The following GABARAPL2 variants were observed in gnomAD, a reference collection of about 807,000 sequenced individuals.
GABARAPL2 encodes GABA type A receptor associated protein like 2.
Under a neutral mutation model 16.9 loss-of-function variants are expected in GABARAPL2, and 11 were observed. The observed-to-expected ratio is 0.65, with a 90% CI of 0.41 to 1.08. GABARAPL2 has a LOEUF of 1.08. Among genes scored for constraint, GABARAPL2 ranks in the 50% least tolerant of loss-of-function variants. The probability of loss-of-function intolerance (pLI) is 0.00; values close to 1 mark genes in which losing one functional copy is unlikely to be tolerated. For synonymous variants in GABARAPL2, 57 were observed against 50.7 expected, an observed-to-expected ratio of 1.12 and a Z score of -0.53; for missense variants, 134 against 142.5, an observed-to-expected ratio of 0.94 and a Z score of 0.30.
chr16:75,568,464 T>C, intron 3 of GABARAPL2: 1 of 334,170 alleles, frequency 3.0e-6, no homozygotes, highest in East Asian at 4.5e-5. Flanking sequence ...CAAGAATCTT[T>C]TAAAACGGTT....
intron 3 of GABARAPL2, among the ~76,000 whole-genome samples, chr16:75,574,688 A>G (rs12598094): frequency 0.12 from 18,282 of 151,952 alleles, 2,708 homozygotes; most frequent in East Asian, 0.73. Context: ...GCTTTTAAAG[A>G]TGACCCTCCC....
Position 75,577,388 on chromosome 16 carries a change from GT to G in GABARAPL2, c.*20del, listed in dbSNP as rs774327882. On this transcript the variant is annotated 3_prime_UTR_variant, in exon 4 of 4. Coordinates refer to ENST00000037243, the MANE Select transcript of GABARAPL2 (RefSeq NM_007285.7). ...CTTCTGAGGGCCATTGCTGGGCTAG[GT>G]GCACCGTAACTGCTTGTGTATCTTG... 1.4e-6 allele frequency: 2 copies of G among 1,452,950 alleles called. No homozygotes were observed. The highest frequency in any genetic ancestry group is 1.7e-5 in the Admixed American group (1 of 59,784). The allele number at this position is 1,452,950 out of a possible 1,614,324, so 90.0% of individuals were successfully genotyped here.
intron 3 of GABARAPL2, among the ~76,000 whole-genome samples, chr16:75,570,161 T>C (rs925371773): frequency 6.6e-6 from 1 of 152,060 alleles, no homozygotes; most frequent in African/African-American, 2.4e-5. Context: ...AGTGGTGCAA[T>C]CTGAGCTCAC....
chr16:75,568,905 C>T (rs932934325), intron 3 of GABARAPL2, among the ~76,000 whole-genome samples: 16 of 152,164 alleles, frequency 1.1e-4, no homozygotes, highest in Non-Finnish European at 1.5e-4. Flanking sequence ...GGATGGGCTC[C>T]GTCTAACCTC....
chr16:75,568,912 C>T lies in GABARAPL2; in HGVS notation c.263+703C>T, dbSNP rs1445811554. Among the ~76,000 whole-genome samples, 3 of 152,182 alleles carry T rather than the reference C, an allele frequency of 2.0e-5. No individual in the cohort carries two copies. The East Asian group carries it at 5.8e-4, about 29-fold the overall frequency. ...AGGAAAGTGGATGGGCTCCGTCTAA[C>T]CTCCTGGTCAGTCCTTTCCCGTTAC... On this transcript the variant is annotated intron_variant, in intron 3 of 3. Coordinates refer to ENST00000037243, the MANE Select transcript of GABARAPL2 (RefSeq NM_007285.7).
In GABARAPL2 at chr16:75,566,406, T is replaced by C. The variant is rs1394294902; in HGVS notation, c.-81T>C. ...TCGCCGCCGTCGCTGCCGCTGCCGCTGCCGCCGTCGTTGTTGTTGTGCTCG... is the reference window on the plus strand; with the variant it reads ...TCGCCGCCGTCGCTGCCGCTGCCGCCGCCGCCGTCGTTGTTGTTGTGCTCG... On this transcript the variant is annotated 5_prime_UTR_variant, in exon 1 of 4. Coordinates refer to ENST00000037243, the MANE Select transcript of GABARAPL2 (RefSeq NM_007285.7). 8 of 1,086,628 alleles carry C rather than the reference T, an allele frequency of 7.4e-6. No individual in the cohort carries two copies. The South Asian group carries it at 9.3e-5, about 13-fold the overall frequency. 67.3% of individuals were successfully genotyped at this position (1,086,628 alleles called of 1,614,324 possible).
At position 75,567,017 on chromosome 16, in the gene GABARAPL2, C is replaced by T. The variant is rs1026014465; in HGVS notation, c.90+110C>T. ...CAAGTTGAGGTTCCAGTCCCAGTTA[C>T]AGTAGCTGACGGGCCAGACCGGGAT... On this transcript the variant is annotated intron_variant, in intron 2 of 3. Transcript: ENST00000037243. 5.3e-6 allele frequency: 5 copies of T among 946,696 alleles called. No individual in the cohort carries two copies. In the African/African-American group the frequency reaches 6.5e-5, roughly 12 times the overall value. 58.6% of individuals were successfully genotyped at this position (946,696 alleles called of 1,614,324 possible).
intron 3 of GABARAPL2, among the ~76,000 whole-genome samples, chr16:75,569,845 C>G (rs1390821798): frequency 6.6e-6 from 1 of 152,174 alleles, no homozygotes; most frequent in Non-Finnish European, 1.5e-5. Flanking sequence ...GCAGCAGAGA[C>G]TGTTTCAAGC....
chr16:75,576,846 A>T (rs1190040821), intron 3 of GABARAPL2: 1 of 157,196 alleles, frequency 6.4e-6, no homozygotes, highest in Non-Finnish European at 1.4e-5. Flanking sequence ...GATGATGTTG[A>T]TACACCATGT....
intron 3 of GABARAPL2, among the ~76,000 whole-genome samples, chr16:75,575,409 C>G (rs2080942684): frequency 6.6e-6 from 1 of 152,080 alleles, no homozygotes; most frequent in Non-Finnish European, 1.5e-5. Flanking sequence ...GATTCTCCGG[C>G]CTCAGCTTCC....
intron 3 of GABARAPL2, among the ~76,000 whole-genome samples, chr16:75,573,606 G>A (rs1214232401): frequency 6.6e-6 from 1 of 152,252 alleles, no homozygotes; most frequent in Non-Finnish European, 1.5e-5. Flanking sequence ...GGGAAGGAGA[G>A]AGCCCTAAGA....
chr16:75,573,236 GCATATC>G (rs1455178581), intron 3 of GABARAPL2, among the ~76,000 whole-genome samples: 1 of 152,210 alleles, frequency 6.6e-6, no homozygotes, highest in Non-Finnish European at 1.5e-5. Context: ...ACTTCCATTT[GCATATC>G]CATTTAATGG....
chr16:75,574,144 C>A (rs1176846521), intron 3 of GABARAPL2, among the ~76,000 whole-genome samples: 1 of 152,210 alleles, frequency 6.6e-6, no homozygotes, highest in Non-Finnish European at 1.5e-5. Context: ...CTCAGAGTCT[C>A]ACGACCTGCC....
In GABARAPL2 at chr16:75,566,912, G is replaced by A; in HGVS notation, c.90+5G>A. 1.9e-6 allele frequency: 3 copies of A among 1,611,332 alleles called. No individual in the cohort carries two copies. Among genetic ancestry groups the A allele is most frequent in the South Asian group, 1.1e-5 (1 of 91,042 alleles). ...AAATATCCCGACAGGGTTCCGGTGA[G>A]TGGACTCTCCGCCCCCTCACCTCGC... On this transcript the variant is annotated splice_donor_5th_base_variant and intron_variant, in intron 2 of 3. Transcript: ENST00000037243.
At position 75,568,986 on chromosome 16, in the gene GABARAPL2, C is replaced by T. The variant is rs544959394; in HGVS notation, c.263+777C>T. Among the ~76,000 whole-genome samples the T allele has an allele frequency of 3.1e-3, 473 of 152,276 alleles. 1 individual carries two copies. Among genetic ancestry groups the T allele is most frequent in the Non-Finnish European group, 4.7e-3 (319 of 68,026 alleles). The stretch of plus-strand genomic sequence containing the variant: ...ATCCAGATTCCAGCCCCCACCTCTC[C>T]CCTGAGTGTGAGTTTCTGGCCACAT... On this transcript the variant is annotated intron_variant, in intron 3 of 3. Coordinates refer to ENST00000037243, the MANE Select transcript of GABARAPL2 (RefSeq NM_007285.7).
chr16:75,571,079 A>T (rs946490729), intron 3 of GABARAPL2, among the ~76,000 whole-genome samples: 9 of 152,316 alleles, frequency 5.9e-5, no homozygotes, highest in African/African-American at 1.9e-4. Context: ...TCTCTAAGAT[A>T]TTATTTTTTA....
At chr16:75,572,019 C>T (rs776072136) in intron 3 of GABARAPL2, among the ~76,000 whole-genome samples, 11 of 149,702 alleles carry the variant, frequency 7.3e-5, no homozygotes, top group Non-Finnish European at 1.5e-4. Context: ...TGTCCTAGGC[C>T]GTGTGTGGTG....
At chr16:75,574,399 C>A (rs1412803675) in intron 3 of GABARAPL2, among the ~76,000 whole-genome samples, 2 of 152,194 alleles carry the variant, frequency 1.3e-5, no homozygotes, top group Non-Finnish European at 1.5e-5. Context: ...TGCATCTAAA[C>A]CCATCTGGTA....
chr16:75,566,659 C>G (rs2080884880), intron 1 of GABARAPL2, 139 bp downstream of exon 1: 2 of 1,034,432 alleles, frequency 1.9e-6, no homozygotes, highest in Admixed American at 2.4e-5. Context: ...CCTGGTGCCT[C>G]GGGCAGCGGC....
Sources: gnomAD v4.1 joint callset for allele counts (sites outside exome capture counted in the v4.1 genomes callset) on GRCh38, gnomAD v4.1.1 for gene constraint, MANE v1.5 for transcripts, NCBI Gene and HGNC (gene_info 2026-07-23, HGNC 2026-07-21) for gene names.